NRXN3: variants seen among roughly 807,000 people sequenced by gnomAD.
NRXN3 encodes the protein neurexin III.
NRXN3 carries 32 observed loss-of-function variants against 137.6 expected under a neutral mutation model. The observed-to-expected ratio is 0.23, with a 90% CI of 0.18 to 0.31. NRXN3 has a LOEUF of 0.31. Ranked by LOEUF, NRXN3 falls within the 10% of genes least tolerant of loss-of-function variation. NRXN3 has a pLI of 1.00. For missense variants in NRXN3, 1,574 were observed against 2,062.5 expected (o/e 0.76, Z 4.59); for synonymous variants, 798 against 784.5 (o/e 1.02, Z -0.29).
intron 16 of NRXN3, among the ~76,000 whole-genome samples, chr14:79,538,735 T>G (rs2097241103): frequency 6.6e-6 from 1 of 152,172 alleles, no homozygotes; most frequent in African/African-American, 2.4e-5. Context: ...CGCAGCCACT[T>G]TTAACACTGT....
intron 4 of NRXN3, among the ~76,000 whole-genome samples, chr14:78,629,527 A>G (rs193008050): frequency 6.6e-6 from 1 of 152,370 alleles, no homozygotes; most frequent in East Asian, 1.9e-4. Context: ...GGAGGCTGCC[A>G]TCCTAAAGCT....
At chr14:79,664,580 T>A (rs1247578417) in intron 17 of NRXN3, among the ~76,000 whole-genome samples, 1 of 152,158 alleles carries the variant, frequency 6.6e-6, no homozygotes, top group Non-Finnish European at 1.5e-5. Flanking sequence ...GGGTTAATCA[T>A]CTGTTTAAAT....
intron 19 of NRXN3, among the ~76,000 whole-genome samples, chr14:79,781,366 A>G (rs574483657): frequency 6.6e-6 from 1 of 152,242 alleles, no homozygotes. Flanking sequence ...GTCAAAATGC[A>G]TGGTAATTTA....
intron 15 of NRXN3, among the ~76,000 whole-genome samples, chr14:79,422,312 C>T (rs897468686): frequency 1.3e-5 from 2 of 152,166 alleles, no homozygotes; most frequent in African/African-American, 4.8e-5. Flanking sequence ...ATTCCTCCCT[C>T]CTCAGCCTCC....
intron 20 of NRXN3, among the ~76,000 whole-genome samples, chr14:79,834,452 A>G (rs564770579): frequency 1.3e-5 from 2 of 152,274 alleles, no homozygotes; most frequent in Admixed American, 6.5e-5. Context: ...TCTCACACCA[A>G]CCATTTAACT....
intron 4 of NRXN3, among the ~76,000 whole-genome samples, chr14:78,343,882 G>T (rs1210985390): frequency 1.3e-5 from 2 of 152,198 alleles, no homozygotes; most frequent in Admixed American, 1.3e-4. Context: ...AGATTCAGTT[G>T]CAATGAAGGT....
At chr14:79,754,511 T>G (rs1427542495) in intron 19 of NRXN3, among the ~76,000 whole-genome samples, 1 of 532 alleles carries the variant, frequency 1.9e-3, no homozygotes, top group East Asian at 0.056. Context: ...TTGATATATA[T>G]ATATATATAT....
chr14:78,960,173 A>G (rs1274931844), intron 11 of NRXN3, among the ~76,000 whole-genome samples: 1 of 151,992 alleles, frequency 6.6e-6, no homozygotes, highest in African/African-American at 2.4e-5. Flanking sequence ...TGTCCCCCCA[A>G]CCCCCCGAAC....
intron 16 of NRXN3, among the ~76,000 whole-genome samples, chr14:79,566,493 A>T (rs1390878337): frequency 6.6e-6 from 1 of 152,002 alleles, no homozygotes; most frequent in Non-Finnish European, 1.5e-5. Context: ...TCTTGCTGTG[A>T]TTTTTGCCCC....
In NRXN3 at chr14:78,858,365, T is replaced by C. The variant is rs528190041; in HGVS notation, c.2275+48021T>C. Among the ~76,000 whole-genome samples the C allele has an allele frequency of 4.8e-4, 73 of 152,198 alleles. 1 individual carries two copies. In the South Asian group the frequency reaches 0.015, roughly 30 times the overall value. ...TGATTGGGTGTGGAAATGGAGAGCT[T>C]TGTGGGCCAGGAAGCAGGCAGTTTG... On this transcript the variant is annotated intron_variant, in intron 10 of 20. Transcript: ENST00000335750.
At chr14:78,863,875 G>A (rs779705217) in intron 10 of NRXN3, among the ~76,000 whole-genome samples, 4 of 151,930 alleles carry the variant, frequency 2.6e-5, no homozygotes, top group Non-Finnish European at 5.9e-5. Flanking sequence ...GAGTCAGAAT[G>A]GTTTAATTGA....
chr14:79,141,785 A>G lies in NRXN3; in HGVS notation c.3262+153644A>G, dbSNP rs536117110. The stretch of plus-strand genomic sequence containing the variant: ...ATGCAAAGGCCATGTATTTATTTAA[A>G]AATTATAAACACATTTTACCTGAAG... On this transcript the variant is annotated intron_variant, in intron 15 of 20. Coordinates refer to ENST00000335750, the MANE Select transcript of NRXN3 (RefSeq NM_001330195.2). Among the ~76,000 whole-genome samples, 7 of 152,310 alleles carry G rather than the reference A, an allele frequency of 4.6e-5. 1 individual carries two copies. Among genetic ancestry groups the G allele is most frequent in the African/African-American group, 1.7e-4 (7 of 41,552 alleles).
intron 19 of NRXN3, among the ~76,000 whole-genome samples, chr14:79,788,878 G>T (rs1384064493): frequency 1.3e-5 from 2 of 152,128 alleles, no homozygotes; most frequent in African/African-American, 4.8e-5. Context: ...CTTAAAAAAA[G>T]GTATACCATT....
At chr14:79,860,377 A>T (rs746580514) in intron 20 of NRXN3, among the ~76,000 whole-genome samples, 15 of 152,232 alleles carry the variant, frequency 9.9e-5, no homozygotes, top group Non-Finnish European at 2.1e-4. Context: ...GTCATTTAAT[A>T]GTCAGGGGGA....
At chr14:78,890,413 G>A (rs1264917246) in intron 10 of NRXN3, among the ~76,000 whole-genome samples, 1 of 151,848 alleles carries the variant, frequency 6.6e-6, no homozygotes, top group African/African-American at 2.4e-5. Context: ...CACACATTGT[G>A]TCCTGTAATT....
chr14:78,864,534 T>C (rs1173259410), intron 10 of NRXN3, among the ~76,000 whole-genome samples: 1 of 152,166 alleles, frequency 6.6e-6, no homozygotes, highest in Non-Finnish European at 1.5e-5. Flanking sequence ...TAAGATACTC[T>C]GGTCATTATG....
rs141489145 is a variant in NRXN3 at position 78,803,664 on chromosome 14, A to G, written c.2089A>G (p.Ile697Val). Residue 697 changes from isoleucine to valine, a missense_variant, in exon 9 of 21, where the codon ATC (isoleucine) becomes GTC (valine). By Grantham distance (29) the Ile-to-Val change is conservative. This residue lies in a region of NRXN3 where 718 missense variants were observed against 887.6 expected (regional missense o/e 0.81). Transcript: ENST00000335750. ...TGATGGTAGCATGTACATGAAGATCATCATGCCCATGGTCATGCATACTGA... is the reference window on the plus strand; with the variant it reads ...TGATGGTAGCATGTACATGAAGATCGTCATGCCCATGGTCATGCATACTGA... ...SYDGSMYMKI[I>V]MPMVMHTEAE... 3 of 1,614,046 alleles carry G rather than the reference A, an allele frequency of 1.9e-6. No homozygotes were observed. In the African/African-American group the frequency reaches 4.0e-5, roughly 22 times the overall value.
intron 15 of NRXN3, among the ~76,000 whole-genome samples, chr14:79,161,148 A>G (rs1288116441): frequency 6.6e-6 from 1 of 151,944 alleles, no homozygotes; most frequent in African/African-American, 2.4e-5. Context: ...TTGAGAGAAT[A>G]ACTTACCTCT....
intron 16 of NRXN3, among the ~76,000 whole-genome samples, chr14:79,619,531 G>A (rs2098199159): frequency 6.6e-6 from 1 of 151,788 alleles, no homozygotes; most frequent in Non-Finnish European, 1.5e-5. Flanking sequence ...CTACCCAAAG[G>A]AATTAACTAC....
Sources: gnomAD v4.1 joint callset for allele counts (sites outside exome capture counted in the v4.1 genomes callset) on GRCh38, gnomAD v4.1.1 for gene constraint, gnomAD v4.1.1 regional missense constraint, MANE v1.5 for transcripts, NCBI Gene and HGNC (gene_info 2026-07-23, HGNC 2026-07-21) for gene names.